The following CRADD variants were observed in gnomAD, a reference collection of about 807,000 sequenced individuals.
CRADD encodes CARD and death domain containing adaptor protein.
In CRADD, 9 loss-of-function variants were observed where a neutral mutation model predicts 15.5. The observed-to-expected ratio is 0.58, with a 90% CI of 0.35 to 1.01. The LOEUF (loss-of-function observed/expected upper bound fraction) is 1.01. Ranked by LOEUF, CRADD falls within the 50% of genes least tolerant of loss-of-function variation. CRADD has a pLI of 0.02. For missense variants in CRADD, 227 were observed against 250.3 expected (o/e 0.91, Z 0.63); for synonymous variants, 118 against 107.6 (o/e 1.10, Z -0.60).
chr12:93,818,526 T>C (rs1411974644), intron 2 of CRADD, among the ~76,000 whole-genome samples: 1 of 152,156 alleles, frequency 6.6e-6, no homozygotes, highest in Non-Finnish European at 1.5e-5. Flanking sequence ...ACGGGTTTTG[T>C]CTTGACATAC....
At chr12:93,755,220 T>A (rs1273093727) in intron 2 of CRADD, among the ~76,000 whole-genome samples, 4 of 152,130 alleles carry the variant, frequency 2.6e-5, no homozygotes, top group Non-Finnish European at 4.4e-5. Context: ...ATGTGGGTAT[T>A]ATGGGAGCTA....
intron 2 of CRADD, among the ~76,000 whole-genome samples, chr12:93,791,206 G>T (rs760932390): frequency 2.8e-4 from 42 of 152,232 alleles, no homozygotes; most frequent in Admixed American, 2.6e-4. Context: ...ATATCGAAGA[G>T]ATAGCTGCAC....
At chr12:93,719,241 T>A (rs1418557420) in intron 2 of CRADD, among the ~76,000 whole-genome samples, 1 of 152,206 alleles carries the variant, frequency 6.6e-6, no homozygotes, top group African/African-American at 2.4e-5. Flanking sequence ...ATGTGATGGA[T>A]TAGATTACAT....
At chr12:93,699,374 G>T (rs370396000) in intron 2 of CRADD, among the ~76,000 whole-genome samples, 1 of 152,176 alleles carries the variant, frequency 6.6e-6, no homozygotes, top group African/African-American at 2.4e-5. Context: ...ACCCTTTTGT[G>T]CTCTGCACAT....
intron 2 of CRADD, among the ~76,000 whole-genome samples, chr12:93,767,658 C>A (rs1227560752): frequency 2.0e-5 from 3 of 152,114 alleles, no homozygotes; most frequent in African/African-American, 7.2e-5. Flanking sequence ...TAGTAAATGG[C>A]AGAGCTGGGG....
At chr12:93,765,248 A>T (rs1486057370) in intron 2 of CRADD, among the ~76,000 whole-genome samples, 1 of 152,180 alleles carries the variant, frequency 6.6e-6, no homozygotes, top group Non-Finnish European at 1.5e-5. Flanking sequence ...TGGAAGAGTT[A>T]TTCAGAGAGA....
At chr12:93,857,261 A>C (rs1958282909) in intron 2 of CRADD, among the ~76,000 whole-genome samples, 1 of 152,166 alleles carries the variant, frequency 6.6e-6, no homozygotes, top group Non-Finnish European at 1.5e-5. Context: ...TATTTGGAGG[A>C]AATATAAAAC....
chr12:93,752,224 G>A (rs1199391292), intron 2 of CRADD, among the ~76,000 whole-genome samples: 3 of 152,180 alleles, frequency 2.0e-5, no homozygotes, highest in Non-Finnish European at 4.4e-5. Context: ...GCCTTCCAAA[G>A]TATGTTAGCA....
At chr12:93,701,088 A>G (rs374232931) in intron 2 of CRADD, among the ~76,000 whole-genome samples, 118 of 152,240 alleles carry the variant, frequency 7.8e-4, no homozygotes, top group African/African-American at 2.7e-3. Flanking sequence ...CTCATTGTCT[A>G]CAAAATTAAT....
At chr12:93,833,969 C>T (rs1196112686) in intron 2 of CRADD, among the ~76,000 whole-genome samples, 4 of 152,162 alleles carry the variant, frequency 2.6e-5, no homozygotes. Context: ...ACAACATGAG[C>T]AGAAACGACC....
At chr12:93,850,979 AC>A (rs1266860829), downstream of CRADD, among the ~76,000 whole-genome samples, 4 of 152,182 alleles carry the variant, frequency 2.6e-5, no homozygotes, top group African/African-American at 9.7e-5. This position sits in a 1 kb window ranked among gnomAD's most constrained non-coding sequence, Gnocchi z 4.0. Context: ...CAGCATGCAT[AC>A]CCGAGCCCTT....
intron 2 of CRADD, among the ~76,000 whole-genome samples, chr12:93,835,058 C>T (rs373689752): frequency 2.0e-5 from 3 of 152,230 alleles, no homozygotes; most frequent in African/African-American, 7.2e-5. Context: ...ACCATTTTCA[C>T]TGGCCCCCCC....
intron 2 of CRADD, among the ~76,000 whole-genome samples, chr12:93,879,571 G>C (rs1958480410): frequency 6.6e-6 from 1 of 152,156 alleles, no homozygotes; most frequent in East Asian, 1.9e-4. Flanking sequence ...AAGGTTCATG[G>C]GCAGGTGGGG....
intron 2 of CRADD, among the ~76,000 whole-genome samples, chr12:93,791,869 A>G (rs548083131): frequency 6.6e-6 from 1 of 151,132 alleles, no homozygotes; most frequent in Admixed American, 6.7e-5. Flanking sequence ...AATAGAGGGA[A>G]GAAAACATGC....
chr12:93,739,050 A>AT (rs904316879), intron 2 of CRADD, among the ~76,000 whole-genome samples: 12 of 151,918 alleles, frequency 7.9e-5, no homozygotes, highest in East Asian at 3.9e-4. Context: ...TTATTTGTTT[A>AT]TTTTTTTTCC....
chr12:93,703,559 A>G (rs1367248399), intron 2 of CRADD, among the ~76,000 whole-genome samples: 1 of 151,754 alleles, frequency 6.6e-6, no homozygotes, highest in Admixed American at 6.6e-5. Flanking sequence ...ACGAGGTTTT[A>G]CCATGTTGTC....
At chr12:93,859,098 G>A (rs1415280109) in intron 2 of CRADD, among the ~76,000 whole-genome samples, 3 of 152,210 alleles carry the variant, frequency 2.0e-5, no homozygotes, top group East Asian at 1.9e-4. Flanking sequence ...AATGAAACCT[G>A]TCTTTACATG....
chr12:93,807,373 G>A (rs1467259248), intron 2 of CRADD, among the ~76,000 whole-genome samples: 1 of 152,096 alleles, frequency 6.6e-6, no homozygotes, highest in Non-Finnish European at 1.5e-5. Context: ...GGTGCACCAA[G>A]GCTCATTCTG....
chr12:93,847,416 GTTA>G (rs1162017279), intron 2 of CRADD, among the ~76,000 whole-genome samples: 1 of 138,036 alleles, frequency 7.2e-6, no homozygotes, highest in Non-Finnish European at 1.5e-5. Context: ...TAAATATTAA[GTTA>G]TTATTCCAGT....
Sources: gnomAD v4.1 joint callset for allele counts (sites outside exome capture counted in the v4.1 genomes callset) on GRCh38, gnomAD v4.1.1 for gene constraint, Gnocchi (gnomAD v3.1) non-coding constraint, MANE v1.5 for transcripts, NCBI Gene and HGNC (gene_info 2026-07-23, HGNC 2026-07-21) for gene names.